Variants in UBE4B observed in about 807,000 individuals in gnomAD.
UBE4B encodes ubiquitination factor E4B, also known as ubiquitin conjugation factor E4 B.
Under a neutral mutation model 148.1 loss-of-function variants are expected in UBE4B, and 27 were observed. That is an observed-to-expected ratio of 0.18 (90% CI 0.13 to 0.25). UBE4B has a LOEUF of 0.25. Ranked by LOEUF, UBE4B falls within the 10% of genes least tolerant of loss-of-function variation. UBE4B has a pLI of 1.00. For synonymous variants in UBE4B, 596 were observed against 619.3 expected (o/e 0.96, Z 0.56); for missense variants, 1,170 against 1,662.4 (o/e 0.70, Z 5.15).
At chr1:10,111,904 C>T (rs1242635743) in intron 7 of UBE4B, among the ~76,000 whole-genome samples, 1 of 151,680 alleles carries the variant, frequency 6.6e-6, no homozygotes, top group Non-Finnish European at 1.5e-5. Context: ...TTGCAGTGAG[C>T]CAAGATCACA....
chr1:10,113,425 C>T (rs1645254906), intron 7 of UBE4B, among the ~76,000 whole-genome samples: 2 of 152,214 alleles, frequency 1.3e-5, no homozygotes, highest in Non-Finnish European at 2.9e-5. Context: ...ATCACCAAAA[C>T]ACACTGAGCT....
At chr1:10,085,119 T>C (rs1644745250) in intron 2 of UBE4B, among the ~76,000 whole-genome samples, 1 of 152,128 alleles carries the variant, frequency 6.6e-6, no homozygotes, top group Non-Finnish European at 1.5e-5. Flanking sequence ...TGAACGTTCA[T>C]ACCTGGAGAG....
chr1:10,067,183 T>G (rs1207434510), intron 1 of UBE4B, among the ~76,000 whole-genome samples: 1 of 152,166 alleles, frequency 6.6e-6, no homozygotes, highest in Non-Finnish European at 1.5e-5. Context: ...TTGAATCTAT[T>G]TTTAGTTCAT....
In UBE4B at chr1:10,137,874, T is replaced by C. The variant is rs118126602; in HGVS notation, c.2363+669T>C. On this transcript the variant is annotated intron_variant, in intron 17 of 27. Coordinates refer to ENST00000343090, the MANE Select transcript of UBE4B (RefSeq NM_001105562.3). ...TAGTCTGTCTATGAGAGAAACTGAATCATATTTATATCTCTGTATCTACCT... is the reference window on the plus strand; with the variant it reads ...TAGTCTGTCTATGAGAGAAACTGAACCATATTTATATCTCTGTATCTACCT... 7.5e-3 allele frequency among the ~76,000 whole-genome samples: 1,114 copies of C among 148,058 alleles called. 29 individuals are homozygous for C. The East Asian group carries it at 0.087, about 12-fold the overall frequency.
chr1:10,044,866 A>G lies in UBE4B; in HGVS notation c.24+11172A>G, dbSNP rs527414406. ...TCAAAGTGCTGGGATTACAGGCATG[A>G]GCCACCGCGCCTGGCCTGTGCCCTT... On this transcript the variant is annotated intron_variant, in intron 1 of 27. Coordinates refer to ENST00000343090, the MANE Select transcript of UBE4B (RefSeq NM_001105562.3). Among the ~76,000 whole-genome samples, 6 of 152,286 alleles carry G rather than the reference A, an allele frequency of 3.9e-5. No homozygotes were observed. The East Asian group carries it at 1.2e-3, about 29-fold the overall frequency.
At chr1:10,129,903 T>G (rs1008261633) in intron 12 of UBE4B, among the ~76,000 whole-genome samples, 1 of 152,014 alleles carries the variant, frequency 6.6e-6, no homozygotes, top group Non-Finnish European at 1.5e-5. Flanking sequence ...TCCACCCGCC[T>G]CAGCCTCCCA....
At chr1:10,107,121 T>G in intron 7 of UBE4B, 2 of 1,143,600 alleles carry the variant, frequency 1.7e-6, no homozygotes, top group Admixed American at 5.3e-5. Flanking sequence ...GCCAAAAGTT[T>G]TAGTGTATGG....
Position 10,106,394 on chromosome 1 carries a change from C to G in UBE4B, c.1007C>G (p.Thr336Ser). The change falls in exon 7 of 28, where the codon ACT (threonine) becomes AGT (serine). Residue 336 changes from threonine to serine, a missense_variant. Physicochemically the swap from Thr to Ser is moderately conservative, Grantham distance 58. This residue lies in a region of UBE4B where 214 missense variants were observed against 209.1 expected (regional missense o/e 1.02). Transcript: ENST00000343090. This position sits in a 1 kb window ranked among gnomAD's most constrained non-coding sequence, Gnocchi z 4.2. Reference sequence around the variant, plus strand: ...CCGCGGTATCGCCCCTACACTGTCACTCACCCATGGGCGTCCTCAGGCGTC... The same window carrying G: ...CCGCGGTATCGCCCCTACACTGTCAGTCACCCATGGGCGTCCTCAGGCGTC... The part of the protein sequence containing the change: ...SSPRYRPYTV[T>S]HPWASSGVSI... The G allele has an allele frequency of 1.2e-6, 2 of 1,613,362 alleles. No individual in the cohort carries two copies. The highest frequency in any genetic ancestry group is 2.2e-5 in the South Asian group (2 of 91,032).
intron 7 of UBE4B, among the ~76,000 whole-genome samples, chr1:10,112,797 A>G (rs866170572): frequency 1.3e-5 from 2 of 152,324 alleles, no homozygotes; most frequent in Non-Finnish European, 1.5e-5. Context: ...GTTTTTGACC[A>G]TTGACACTTA....
At chr1:10,174,404 A>G (rs950001954) in intron 25 of UBE4B, among the ~76,000 whole-genome samples, 6 of 149,840 alleles carry the variant, frequency 4.0e-5, no homozygotes, top group South Asian at 2.1e-4. Context: ...AAAAAAAAAA[A>G]AAGAAGAAGT....
At chr1:10,102,870 A>C in intron 4 of UBE4B, 78 bp from the exon 5 acceptor site, 1 of 1,407,340 alleles carries the variant, frequency 7.1e-7, no homozygotes, top group Non-Finnish European at 9.7e-7. Context: ...GAATTAAATC[A>C]GAATAACGTA....
chr1:10,144,746 A>AAAG (rs1553151504), intron 17 of UBE4B, among the ~76,000 whole-genome samples, 194 bp from the exon 18 acceptor site: 2 of 146,490 alleles, frequency 1.4e-5, no homozygotes, highest in African/African-American at 4.9e-5. Flanking sequence ...AAAAAAAAAA[A>AAAG]AAAGAAAGAA....
chr1:10,047,521 T>C (rs1222372980), intron 1 of UBE4B, among the ~76,000 whole-genome samples: 1 of 137,234 alleles, frequency 7.3e-6, no homozygotes, highest in Admixed American at 8.1e-5. Context: ...TGAGATGGAG[T>C]CTCACTCTTT....
At chr1:10,084,915 G>T (rs1386187965) in intron 2 of UBE4B, among the ~76,000 whole-genome samples, 1 of 151,578 alleles carries the variant, frequency 6.6e-6, no homozygotes, top group African/African-American at 2.4e-5. Flanking sequence ...TGTTGGTGAT[G>T]CTGGTCTCAG....
rs192464754 is a variant in UBE4B, at chr1:10,122,492, G to C, written c.1554+416G>C. ...GACCATATTAGCTCATTGGCAGCCT[G>C]CATGCCATATAGAATCTTTGTCTTC... On this transcript the variant is annotated intron_variant, in intron 10 of 27. Transcript: ENST00000343090. Among the ~76,000 whole-genome samples the C allele has an allele frequency of 5.1e-3, 777 of 152,306 alleles. 2 individuals carry two copies. Among genetic ancestry groups the C allele is most frequent in the Admixed American group, 7.4e-3 (113 of 15,300 alleles).
At chr1:10,060,789 T>A (rs1437249126) in intron 1 of UBE4B, among the ~76,000 whole-genome samples, 2 of 152,082 alleles carry the variant, frequency 1.3e-5, no homozygotes, top group Non-Finnish European at 2.9e-5. Flanking sequence ...GGAGCCAGTC[T>A]CACTCTGTTG....
In UBE4B at chr1:10,159,188, G is replaced by C. The variant is rs185606226; in HGVS notation, c.3053+706G>C. On this transcript the variant is annotated intron_variant, in intron 22 of 27. Coordinates refer to ENST00000343090, the MANE Select transcript of UBE4B (RefSeq NM_001105562.3). ...TAGATTTTGCAACAATTAGGTCAGAGTTGTCATTTAAAGTATCATTCTTTG... is the reference window on the plus strand; with the variant it reads ...TAGATTTTGCAACAATTAGGTCAGACTTGTCATTTAAAGTATCATTCTTTG... 2.0e-5 allele frequency among the ~76,000 whole-genome samples: 3 copies of C among 152,258 alleles called. No homozygotes were observed. In the East Asian group the frequency reaches 5.8e-4, roughly 29 times the overall value.
chr1:10,176,227 C>T (rs1646427453), intron 25 of UBE4B, among the ~76,000 whole-genome samples: 1 of 152,204 alleles, frequency 6.6e-6, no homozygotes. Flanking sequence ...GGATATACCA[C>T]CATTTGTTTA....
At chr1:10,156,746 GTTAC>G (rs1557603837) in intron 21 of UBE4B, among the ~76,000 whole-genome samples, 2 of 152,048 alleles carry the variant, frequency 1.3e-5, no homozygotes, top group Non-Finnish European at 2.9e-5. Flanking sequence ...TTAAGGAAAG[GTTAC>G]TTAATGAATA....
Sources: gnomAD v4.1 joint callset for allele counts (sites outside exome capture counted in the v4.1 genomes callset) on GRCh38, gnomAD v4.1.1 for gene constraint, gnomAD v4.1.1 regional missense constraint, Gnocchi (gnomAD v3.1) non-coding constraint, MANE v1.5 for transcripts, NCBI Gene and HGNC (gene_info 2026-07-23, HGNC 2026-07-21) for gene names.